The following PDZRN3 variants were observed in gnomAD, a reference collection of about 807,000 sequenced individuals.
PDZRN3 encodes the protein PDZ domain containing ring finger 3, also known as E3 ubiquitin-protein ligase PDZRN3.
Under a neutral mutation model 85.7 loss-of-function variants are expected in PDZRN3, and 38 were observed. The observed-to-expected ratio is 0.44, with a 90% CI of 0.34 to 0.58. The LOEUF (loss-of-function observed/expected upper bound fraction) is 0.58, where lower values mean the gene tolerates loss of function less well. Ranked by LOEUF, PDZRN3 falls within the 20% of genes least tolerant of loss-of-function variation. PDZRN3 has a pLI of 0.01. For synonymous variants in PDZRN3, 759 were observed against 638.0 expected, an observed-to-expected ratio of 1.19 and a Z score of -2.86; for missense variants, 1,629 against 1,506.4, an observed-to-expected ratio of 1.08 and a Z score of -1.35.
chr3:73,531,038 C>A (rs966604442), intron 3 of PDZRN3, among the ~76,000 whole-genome samples: 4 of 152,098 alleles, frequency 2.6e-5, no homozygotes, highest in Non-Finnish European at 5.9e-5. Flanking sequence ...ATCCTGAGGT[C>A]AGGAGATCGA....
At chr3:73,620,726 G>A (rs1412570885) in intron 1 of PDZRN3, among the ~76,000 whole-genome samples, 1 of 152,030 alleles carries the variant, frequency 6.6e-6, no homozygotes, top group African/African-American at 2.4e-5. Flanking sequence ...ACAGGTGCCC[G>A]CCACCGCGCC....
intron 3 of PDZRN3, among the ~76,000 whole-genome samples, chr3:73,512,976 A>G (rs1051510409): frequency 6.6e-6 from 1 of 152,162 alleles, no homozygotes; most frequent in Non-Finnish European, 1.5e-5. Flanking sequence ...TACTTTGATC[A>G]TTAGAAAAAA....
In PDZRN3 at chr3:73,466,334, A is replaced by G. The variant is rs533860003; in HGVS notation, c.919-61939T>C. 8.2e-3 allele frequency among the ~76,000 whole-genome samples: 1,213 copies of G among 147,492 alleles called. 8 individuals are homozygous for G. Among genetic ancestry groups the G allele is most frequent in the Non-Finnish European group, 0.013 (851 of 67,664 alleles). The stretch of plus-strand genomic sequence containing the variant: ...ACAAAGAGTGATAGAAAAAAAAAAA[A>G]GGGGGGGCCCTTGGAGTTCTTTTAT... On this transcript the variant is annotated intron_variant, in intron 3 of 9. Transcript: ENST00000263666.
At chr3:73,494,526 T>C (rs1703831608) in intron 3 of PDZRN3, among the ~76,000 whole-genome samples, 1 of 152,246 alleles carries the variant, frequency 6.6e-6, no homozygotes, top group African/African-American at 2.4e-5. Flanking sequence ...AAGGAACTTA[T>C]ATACCTAGTA....
intron 3 of PDZRN3, among the ~76,000 whole-genome samples, chr3:73,536,824 T>C (rs867343359): frequency 2.4e-4 from 37 of 152,132 alleles, no homozygotes; most frequent in Middle Eastern, 3.4e-3. Flanking sequence ...ATCAAGTGGC[T>C]TTACTTCTGT....
intron 3 of PDZRN3, among the ~76,000 whole-genome samples, chr3:73,509,875 T>C (rs1433811969): frequency 6.6e-6 from 1 of 152,232 alleles, no homozygotes; most frequent in East Asian, 1.9e-4. Context: ...TGCAAATGTT[T>C]CCACCTGGGG....
chr3:73,387,945 T>G, intron 8 of PDZRN3, 23 bp downstream of exon 8: 2 of 1,131,516 alleles, frequency 1.8e-6, no homozygotes, highest in South Asian at 2.8e-5. Flanking sequence ...AGACCCAGTT[T>G]CATCTGTAGG....
chr3:73,535,236 G>T (rs1704754595), intron 3 of PDZRN3, among the ~76,000 whole-genome samples: 1 of 152,128 alleles, frequency 6.6e-6, no homozygotes, highest in South Asian at 2.1e-4. Context: ...ATATATTATT[G>T]TTGCAGGCCT....
At chr3:73,624,044 C>A (rs1168838303) in intron 1 of PDZRN3, 59 bp downstream of exon 1, 4 of 1,374,606 alleles carry the variant, frequency 2.9e-6, no homozygotes, top group Non-Finnish European at 3.7e-6. Flanking sequence ...AGGGATGGGG[C>A]GGGGCCCTGG....
chr3:73,596,667 C>A (rs1014389877), intron 3 of PDZRN3, among the ~76,000 whole-genome samples: 1 of 152,268 alleles, frequency 6.6e-6, no homozygotes, highest in Non-Finnish European at 1.5e-5. Context: ...AATTAAGGGA[C>A]AGTCCAGAAA....
intron 3 of PDZRN3, chr3:73,569,232 C>G: frequency 7.8e-7 from 1 of 1,287,038 alleles, no homozygotes; most frequent in South Asian, 1.2e-5. Flanking sequence ...ATAAATACTT[C>G]AGTCTGCAAA....
At chr3:73,595,766 A>AG (rs1702422271) in intron 3 of PDZRN3, among the ~76,000 whole-genome samples, 1 of 152,190 alleles carries the variant, frequency 6.6e-6, no homozygotes, top group Non-Finnish European at 1.5e-5. Context: ...TTACAAACTG[A>AG]CTTGGACTGA....
intron 3 of PDZRN3, among the ~76,000 whole-genome samples, chr3:73,458,705 G>GT (rs1703038332): frequency 6.6e-6 from 1 of 151,384 alleles, no homozygotes; most frequent in Non-Finnish European, 1.5e-5. Flanking sequence ...AAGGAAAGAG[G>GT]TTTGGGCTGG....
intron 3 of PDZRN3, among the ~76,000 whole-genome samples, chr3:73,409,570 C>G (rs1204334418): frequency 6.6e-6 from 1 of 152,116 alleles, no homozygotes; most frequent in Non-Finnish European, 1.5e-5. Flanking sequence ...ACATGGGAAT[C>G]ACTTAAGAAA....
rs570011002 is a variant in PDZRN3, at chr3:73,529,936, T to A, written c.918+72418A>T. Reference sequence around the variant, plus strand: ...TTATAGGATGGTTGTAAAAATTATATGCATTAATGCACAGCAAGCCCTCAG... The same window carrying A: ...TTATAGGATGGTTGTAAAAATTATAAGCATTAATGCACAGCAAGCCCTCAG... On this transcript the variant is annotated intron_variant, in intron 3 of 9. Transcript: ENST00000263666. Among the ~76,000 whole-genome samples the A allele has an allele frequency of 2.0e-5, 3 of 152,304 alleles. No individual in the cohort carries two copies. The East Asian group carries it at 5.8e-4, about 29-fold the overall frequency.
chr3:73,532,568 TGAA>T (rs1559725674), intron 3 of PDZRN3, among the ~76,000 whole-genome samples: 2 of 152,202 alleles, frequency 1.3e-5, no homozygotes, highest in Non-Finnish European at 2.9e-5. Flanking sequence ...GGCAAACACA[TGAA>T]GAAAGGTGCT....
chr3:73,465,041 C>T lies in PDZRN3; in HGVS notation c.919-60646G>A, dbSNP rs547947692. 5.9e-5 allele frequency among the ~76,000 whole-genome samples: 9 copies of T among 152,280 alleles called. No homozygotes were observed. In the South Asian group the frequency reaches 1.9e-3, roughly 32 times the overall value. On this transcript the variant is annotated intron_variant, in intron 3 of 9. Coordinates refer to ENST00000263666, the MANE Select transcript of PDZRN3 (RefSeq NM_015009.3). ...TCTGCTCTGCTAAATTTCTGAATAC[C>T]TGTGATCACAAGTTTCTGTTGCTAA... is the stretch of plus-strand genomic sequence containing the variant.
intron 3 of PDZRN3, among the ~76,000 whole-genome samples, chr3:73,405,080 A>T (rs1479734979): frequency 6.6e-6 from 1 of 152,200 alleles, no homozygotes; most frequent in African/African-American, 2.4e-5. Context: ...ACTTAAATGA[A>T]GATACCTCTC....
At chr3:73,389,774 T>G (rs1240226323) in intron 7 of PDZRN3, 42 bp downstream of exon 7, 1 of 1,389,182 alleles carries the variant, frequency 7.2e-7, no homozygotes, top group East Asian at 2.3e-5. Flanking sequence ...TGTTCTTTAG[T>G]GATAGGCCCA....
Sources: allele counts gnomAD v4.1 joint callset (sites outside exome capture counted in the v4.1 genomes callset), GRCh38; gene constraint gnomAD v4.1.1; transcripts MANE v1.5; gene names NCBI Gene and HGNC (gene_info 2026-07-23, HGNC 2026-07-21).